The following FAM184B variants were observed in gnomAD, a reference collection of about 807,000 sequenced individuals.
FAM184B encodes family with sequence similarity 184 member B, also known as protein FAM184B.
FAM184B carries 111 observed loss-of-function variants against 135.9 expected under a neutral mutation model. The ratio of observed to expected loss-of-function variants is 0.82; its 90% CI spans 0.70 to 0.96. The LOEUF (loss-of-function observed/expected upper bound fraction) is 0.96. Ranked by LOEUF, FAM184B falls within the 40% of genes least tolerant of loss-of-function variation. The pLI is 0.00. For synonymous variants in FAM184B, 552 were observed against 524.8 expected (o/e 1.05, Z -0.71); for missense variants, 1,375 against 1,323.9 (o/e 1.04, Z -0.60).
At chr4:17,721,551 G>T (rs1717531132) in intron 1 of FAM184B, among the ~76,000 whole-genome samples, 1 of 152,074 alleles carries the variant, frequency 6.6e-6, no homozygotes, top group Admixed American at 6.6e-5. Flanking sequence ...TAGCGCAAAG[G>T]CATGGCATAG....
At chr4:17,634,943 T>A in intron 16 of FAM184B, 66 bp downstream of exon 16, 1 of 1,163,198 alleles carries the variant, frequency 8.6e-7, no homozygotes, top group Non-Finnish European at 1.2e-6. Flanking sequence ...TAACCTGTGG[T>A]TACCTTTAAG....
At chr4:17,700,410 T>C (rs1716959386) in intron 5 of FAM184B, among the ~76,000 whole-genome samples, 1 of 152,136 alleles carries the variant, frequency 6.6e-6, no homozygotes, top group Non-Finnish European at 1.5e-5. Flanking sequence ...CAAAAAATAT[T>C]TCATAAATAA....
chr4:17,766,847 C>T (rs969454070), intron 1 of FAM184B, among the ~76,000 whole-genome samples: 1 of 152,238 alleles, frequency 6.6e-6, no homozygotes, highest in Non-Finnish European at 1.5e-5. Context: ...GACCAGGCGC[C>T]ACAGAGCAGG....
In FAM184B at chr4:17,708,767, GA is replaced by G. The variant is rs1392366691; in HGVS notation, c.894+124del. On this transcript the variant is annotated intron_variant, in intron 2 of 17. Coordinates refer to ENST00000265018, the MANE Select transcript of FAM184B (RefSeq NM_015688.2). ...GTAATGAATGTAGGTGAATTCAATG[GA>G]GATAATAGGGCTCACCTCCGTAGAA... The G allele has an allele frequency of 7.4e-6, 6 of 816,246 alleles. No homozygotes were observed. The East Asian group carries it at 1.9e-4, about 26-fold the overall frequency. The allele number at this position is 816,246 out of a possible 1,614,324, so 50.6% of individuals were successfully genotyped here.
At chr4:17,727,274 A>G (rs1227063735) in intron 1 of FAM184B, among the ~76,000 whole-genome samples, 1 of 152,174 alleles carries the variant, frequency 6.6e-6, no homozygotes, top group Non-Finnish European at 1.5e-5. Context: ...GAAAGATGGC[A>G]CAGGATGAAG....
At chr4:17,699,412 A>G (rs1449578767) in intron 5 of FAM184B, among the ~76,000 whole-genome samples, 1 of 152,116 alleles carries the variant, frequency 6.6e-6, no homozygotes, top group African/African-American at 2.4e-5. Flanking sequence ...TCATAACCAA[A>G]TTGTTGAAAA....
At chr4:17,636,694 A>C in intron 14 of FAM184B, 49 bp from the exon 15 acceptor site, 3 of 1,395,468 alleles carry the variant, frequency 2.1e-6, no homozygotes, top group Non-Finnish European at 2.9e-6. Context: ...CAATTACTCA[A>C]CAAAGAGGGA....
intron 10 of FAM184B, among the ~76,000 whole-genome samples, chr4:17,653,930 G>GAGAGAGAGA (rs1402544369): frequency 1.7e-4 from 23 of 135,870 alleles, no homozygotes; most frequent in Non-Finnish European, 1.9e-4. Context: ...GGGAGGGGGA[G>GAGAGAGAGA]GGGGATTTGA....
At position 17,707,335 on chromosome 4, in the gene FAM184B, G is replaced by T. The variant is rs553128199; in HGVS notation, c.1030+314C>A. 4.6e-5 allele frequency among the ~76,000 whole-genome samples: 7 copies of T among 152,344 alleles called. No homozygotes were observed. In the East Asian group the frequency reaches 1.3e-3, roughly 29 times the overall value. On this transcript the variant is annotated intron_variant, in intron 3 of 17. Transcript: ENST00000265018. Reference sequence around the variant, plus strand: ...TAAAAGCATAAAGCATTGTGTAAGTGGTGGGGGGTGAAGTGAGTCAGTGCT... The same window carrying T: ...TAAAAGCATAAAGCATTGTGTAAGTTGTGGGGGGTGAAGTGAGTCAGTGCT...
At chr4:17,732,435 G>A (rs553874561) in intron 1 of FAM184B, among the ~76,000 whole-genome samples, 10 of 152,136 alleles carry the variant, frequency 6.6e-5, no homozygotes, top group South Asian at 6.2e-4. Flanking sequence ...TCGATAGACC[G>A]CTAGCAAGAC....
chr4:17,642,356 G>A, intron 12 of FAM184B, 128 bp from the exon 13 acceptor site: 1 of 1,371,924 alleles, frequency 7.3e-7, no homozygotes, highest in South Asian at 1.7e-5. Flanking sequence ...CCTGTGGCAG[G>A]CTCCTGAGTT....
intron 7 of FAM184B, among the ~76,000 whole-genome samples, chr4:17,680,953 A>G (rs537924443): frequency 4.6e-4 from 70 of 152,340 alleles, no homozygotes; most frequent in African/African-American, 1.6e-3. Flanking sequence ...CATTATGTAC[A>G]TCTTAAAATA....
At chr4:17,713,940 T>A (rs13109506) in intron 1 of FAM184B, among the ~76,000 whole-genome samples, 2 of 151,988 alleles carry the variant, frequency 1.3e-5, no homozygotes, top group Non-Finnish European at 2.9e-5. Flanking sequence ...CGAGAGGATT[T>A]GTCACCAGTT....
chr4:17,735,915 T>C (rs1717897748), intron 1 of FAM184B, among the ~76,000 whole-genome samples: 1 of 152,192 alleles, frequency 6.6e-6, no homozygotes, highest in Admixed American at 6.5e-5. Flanking sequence ...GATGGGTGAC[T>C]GTTCATAGTT....
intron 7 of FAM184B, among the ~76,000 whole-genome samples, chr4:17,686,400 T>C (rs1716587435): frequency 6.6e-6 from 1 of 152,230 alleles, no homozygotes; most frequent in Non-Finnish European, 1.5e-5. Context: ...TCCCTTAATC[T>C]GGGTGTCAGA....
chr4:17,686,959 G>A (rs13149474), intron 7 of FAM184B, among the ~76,000 whole-genome samples: 49,222 of 152,164 alleles, frequency 0.32, 8,438 homozygotes, highest in South Asian at 0.4. Flanking sequence ...AAAAACTCCA[G>A]TGAAGTCAAA....
intron 9 of FAM184B, among the ~76,000 whole-genome samples, chr4:17,659,108 C>A (rs1156315478): frequency 7.0e-6 from 1 of 142,914 alleles, no homozygotes; most frequent in Non-Finnish European, 1.5e-5. Flanking sequence ...TATAAAATAT[C>A]TTTTTTTTTT....
At chr4:17,773,453 C>T (rs112786207) in intron 1 of FAM184B, among the ~76,000 whole-genome samples, 3,704 of 152,306 alleles carry the variant, frequency 0.024, 95 homozygotes, top group Middle Eastern at 0.082. Context: ...GGCACTAAGA[C>T]GCCTGCGCAT....
intron 1 of FAM184B, among the ~76,000 whole-genome samples, chr4:17,717,389 C>T (rs965727375): frequency 4.6e-5 from 7 of 152,124 alleles, no homozygotes; most frequent in Non-Finnish European, 8.8e-5. Context: ...TTGAGCAGTC[C>T]GCTCTTCTCC....
Sources: gnomAD v4.1 joint callset for allele counts (sites outside exome capture counted in the v4.1 genomes callset) on GRCh38, gnomAD v4.1.1 for gene constraint, MANE v1.5 for transcripts, NCBI Gene and HGNC (gene_info 2026-07-23, HGNC 2026-07-21) for gene names.